Variants in SEC14L5 observed in about 807,000 individuals in gnomAD.
The protein encoded by SEC14L5 is SEC14 like lipid binding 5.
SEC14L5 carries 96 observed loss-of-function variants against 84.6 expected under a neutral mutation model. That is an observed-to-expected ratio of 1.13 (90% CI 0.96 to 1.34). The LOEUF (loss-of-function observed/expected upper bound fraction) is 1.34. Among genes scored for constraint, SEC14L5 ranks in the 40% most tolerant of loss-of-function variants. The probability of loss-of-function intolerance (pLI) is 0.00; values close to 1 mark genes in which losing one functional copy is unlikely to be tolerated. For missense variants in SEC14L5, 1,224 were observed against 942.5 expected, an observed-to-expected ratio of 1.30 and a Z score of -3.91; for synonymous variants, 546 against 383.4, an observed-to-expected ratio of 1.42 and a Z score of -4.95.
rs562485536 is a variant in SEC14L5 at position 4,986,370 on chromosome 16, T to C, written c.64-1187T>C. ...GGCCAGGCTGGTCTTGAACTCCTGA[T>C]CTCAGGTGATCCACCTGCCTTGGCC... On this transcript the variant is annotated intron_variant, in intron 2 of 15. Coordinates refer to ENST00000251170, the MANE Select transcript of SEC14L5 (RefSeq NM_014692.2). Among the ~76,000 whole-genome samples the C allele has an allele frequency of 2.0e-3, 304 of 152,222 alleles. 2 individuals are homozygous for C. Among genetic ancestry groups the C allele is most frequent in the African/African-American group, 6.7e-3 (277 of 41,544 alleles).
chr16:4,980,393 C>T (rs1409233522), intron 2 of SEC14L5, among the ~76,000 whole-genome samples: 1 of 152,154 alleles, frequency 6.6e-6, no homozygotes, highest in East Asian at 1.9e-4. Context: ...CCAGCCTCCC[C>T]TCCGTGCCTG....
At chr16:4,960,936 C>T (rs1401459356) in intron 2 of SEC14L5, among the ~76,000 whole-genome samples, 1 of 152,156 alleles carries the variant, frequency 6.6e-6, no homozygotes, top group African/African-American at 2.4e-5. Flanking sequence ...CTTTAGGGTT[C>T]TGCTGTGCTC....
chr16:4,962,367 G>A (rs943838271), intron 2 of SEC14L5, among the ~76,000 whole-genome samples: 4 of 151,972 alleles, frequency 2.6e-5, no homozygotes, highest in African/African-American at 9.7e-5. Context: ...ACACCTGTGG[G>A]TAGAGTGAAA....
At chr16:5,007,582 T>A (rs1267727318) in intron 13 of SEC14L5, 96 bp downstream of exon 13, 2 of 1,006,224 alleles carry the variant, frequency 2.0e-6, no homozygotes, top group East Asian at 2.6e-5. Context: ...AGGATTCTTT[T>A]TTCTTTTCTT....
chr16:4,988,350 G>C (rs1033112016), intron 4 of SEC14L5, 70 bp downstream of exon 4: 1 of 1,563,670 alleles, frequency 6.4e-7, no homozygotes, highest in African/African-American at 1.3e-5. Context: ...TGTGCCCAGA[G>C]CTGTGTCCCC....
Position 5,000,909 on chromosome 16 carries a change from C to T in SEC14L5, c.1114C>T (p.Leu372=). The T allele has an allele frequency of 6.2e-7, 1 of 1,607,538 alleles. No individual in the cohort carries two copies. Among genetic ancestry groups the T allele is most frequent in the South Asian group, 1.1e-5 (1 of 89,756 alleles). The change falls in exon 10 of 16, where the codon CTG becomes TTG. Residue 372 remains leucine, a synonymous_variant. Coordinates refer to ENST00000251170, the MANE Select transcript of SEC14L5 (RefSeq NM_014692.2). ...QKRCEGSTRQ[L]GRPISSWTCL... ...GCGGTGTGAGGGGAGCACAAGGCAG[C>T]TGGGCCGTCCCATCAGGCAAACACC...
intron 2 of SEC14L5, among the ~76,000 whole-genome samples, chr16:4,978,211 A>G (rs189042444): frequency 1 from 6,280 of 6,280 alleles, 3,140 homozygotes; most frequent in Non-Finnish European, 1. Context: ...CCCCGAGATC[A>G]AAACCATCCC....
At chr16:5,001,562 CTT>C (rs1171992839) in intron 10 of SEC14L5, among the ~76,000 whole-genome samples, 2 of 152,074 alleles carry the variant, frequency 1.3e-5, no homozygotes, top group Non-Finnish European at 1.5e-5. Context: ...CACAGCCTGA[CTT>C]TGCTTTTTGA....
chr16:5,016,521 T>C lies in SEC14L5; in HGVS notation c.*1551T>C, dbSNP rs904078511. ...TGTGGCCACGCCAGTCCCTACCCCA[T>C]TGACTTGCGCCCAGCCCACATTACA... is the stretch of plus-strand genomic sequence containing the variant. On this transcript the variant is annotated 3_prime_UTR_variant, in exon 16 of 16. Transcript: ENST00000251170. 3 of 152,188 alleles carry C rather than the reference T, an allele frequency of 2.0e-5. No individual in the cohort carries two copies. The highest frequency in any genetic ancestry group is 4.4e-5 in the Non-Finnish European group (3 of 68,042). The allele number at this position is 152,188 out of a possible 1,614,324, so 9.4% of individuals were successfully genotyped here. A position where few individuals can be genotyped will look rare whatever the true frequency, so the allele number is the denominator to read the frequency against.
chr16:4,989,327 G>GTTTTTTTTT (rs5815223), intron 4 of SEC14L5, among the ~76,000 whole-genome samples: 2 of 136,456 alleles, frequency 1.5e-5, no homozygotes, highest in Non-Finnish European at 1.6e-5. Context: ...TGTTTGTTTT[G>GTTTTTTTTT]TTTTTTTTTT....
rs371680271 is a variant in SEC14L5 at position 4,996,384 on chromosome 16, T to A, written c.704T>A (p.Leu235Gln). The A allele has an allele frequency of 1.9e-5, 30 of 1,566,644 alleles. No homozygotes were observed. The African/African-American group carries it at 4.1e-4, about 21-fold the overall frequency. The change falls in exon 7 of 16, where the codon CTG (leucine) becomes CAG (glutamine). Residue 235 changes from leucine to glutamine, a missense_variant. By Grantham distance (113) the Leu-to-Gln change is moderately radical. Transcript: ENST00000251170. ...GATGCGGACTACATTGAGAGGTGCC[T>A]GGGCCACCTCACGCCCATGCAGGAG... ...KLDADYIERC[L>Q]GHLTPMQESC...
chr16:4,967,561 CGTT>C (rs1955217469), intron 2 of SEC14L5, among the ~76,000 whole-genome samples: 2 of 86,272 alleles, frequency 2.3e-5, no homozygotes, highest in African/African-American at 4.6e-5. Context: ...TTCTTTCTTT[CGTT>C]TTTTTTTTTT....
intron 4 of SEC14L5, among the ~76,000 whole-genome samples, chr16:4,989,361 C>G (rs1372301364): frequency 4.3e-5 from 6 of 140,316 alleles, no homozygotes; most frequent in African/African-American, 1.6e-4. Flanking sequence ...GAGAGACAGT[C>G]TCGCTCTGTG....
intron 2 of SEC14L5, among the ~76,000 whole-genome samples, chr16:4,968,272 C>T (rs1276179305): frequency 1.3e-5 from 2 of 151,614 alleles, no homozygotes; most frequent in African/African-American, 2.4e-5. Context: ...CTCTGCCTCC[C>T]GGGTTCAAGC....
At chr16:4,988,716 C>T (rs531588312) in intron 4 of SEC14L5, among the ~76,000 whole-genome samples, 20 of 152,278 alleles carry the variant, frequency 1.3e-4, no homozygotes, top group Non-Finnish European at 2.6e-4. Flanking sequence ...TAGACCAGTG[C>T]CTGGCACATA....
intron 8 of SEC14L5, 93 bp downstream of exon 8, chr16:4,997,137 C>T (rs1186139278): frequency 2.1e-6 from 2 of 945,640 alleles, no homozygotes; most frequent in East Asian, 3.0e-5. Flanking sequence ...CTCACTCTGT[C>T]ACCCAGGCTG....
intron 2 of SEC14L5, chr16:4,960,493 A>G (rs1955109311): frequency 6.6e-6 from 1 of 152,140 alleles, no homozygotes. Context: ...GTCTTATTCT[A>G]TGAATCTACA....
chr16:4,990,701 A>G (rs1290468526), intron 4 of SEC14L5, 66 bp from the exon 5 acceptor site: 3 of 1,466,506 alleles, frequency 2.0e-6, no homozygotes, highest in Non-Finnish European at 2.7e-6. Flanking sequence ...TCAGTGGGAG[A>G]GCCCTAGGGG....
At chr16:4,998,490 G>T (rs1955638383) in intron 8 of SEC14L5, among the ~76,000 whole-genome samples, 2 of 151,020 alleles carry the variant, frequency 1.3e-5, no homozygotes, top group African/African-American at 4.9e-5. Context: ...TGTAATCCCA[G>T]CACTTTGGGA....
Sources: gnomAD v4.1 joint callset for allele counts (sites outside exome capture counted in the v4.1 genomes callset) on GRCh38, gnomAD v4.1.1 for gene constraint, MANE v1.5 for transcripts, NCBI Gene and HGNC (gene_info 2026-07-23, HGNC 2026-07-21) for gene names.